Variants in BLNK observed in about 807,000 individuals in gnomAD.
The protein encoded by BLNK is B-cell linker protein.
Under a neutral mutation model 73.5 loss-of-function variants are expected in BLNK, and 29 were observed. That is an observed-to-expected ratio of 0.39 (90% CI 0.29 to 0.54). The LOEUF is 0.54. Among genes scored for constraint, BLNK ranks in the 20% least tolerant of loss-of-function variants. The pLI, the probability that BLNK is intolerant of heterozygous loss-of-function variation, is 0.61. For missense variants in BLNK, 460 were observed against 562.8 expected, an observed-to-expected ratio of 0.82 and a Z score of 1.85; for synonymous variants, 176 against 200.8, an observed-to-expected ratio of 0.88 and a Z score of 1.04.
intron 3 of BLNK, 98 bp from the exon 4 acceptor site, chr10:96,230,932 T>G: frequency 7.7e-7 from 1 of 1,293,078 alleles, no homozygotes; most frequent in Non-Finnish European, 1.1e-6. Context: ...TCCCTTCCCT[T>G]TGGGCTTTCT....
At chr10:96,234,894 G>A (rs1286054894) in intron 3 of BLNK, among the ~76,000 whole-genome samples, 2 of 152,214 alleles carry the variant, frequency 1.3e-5, no homozygotes, top group Admixed American at 1.3e-4. Flanking sequence ...GTGATTCCAT[G>A]GTCTCTGCCA....
intron 1 of BLNK, among the ~76,000 whole-genome samples, chr10:96,253,724 G>A (rs1391423861): frequency 6.6e-6 from 1 of 152,120 alleles, no homozygotes; most frequent in Non-Finnish European, 1.5e-5. Flanking sequence ...ATTTTTAAAG[G>A]ATTAGGCCAG....
At position 96,264,054 on chromosome 10, in the gene BLNK, A is replaced by G. The variant is rs182741422; in HGVS notation, c.47+7298T>C. Among the ~76,000 whole-genome samples the G allele has an allele frequency of 2.6e-5, 4 of 152,138 alleles. No homozygotes were observed. The East Asian group carries it at 7.7e-4, about 29-fold the overall frequency. Reference sequence around the variant, plus strand: ...ATTTCTGGAGCAACAGGTGAAACATACTCTAAATTCCTAATAATGTGCATG... The same window carrying G: ...ATTTCTGGAGCAACAGGTGAAACATGCTCTAAATTCCTAATAATGTGCATG... On this transcript the variant is annotated intron_variant, in intron 1 of 16. Transcript: ENST00000224337.
chr10:96,228,824 A>G (rs1842380595), intron 4 of BLNK, among the ~76,000 whole-genome samples: 1 of 152,186 alleles, frequency 6.6e-6, no homozygotes, highest in Admixed American at 6.5e-5. Context: ...CACCGCCCTC[A>G]CACTCTGCCT....
intron 4 of BLNK, among the ~76,000 whole-genome samples, chr10:96,227,910 A>T (rs1842338743): frequency 6.6e-6 from 1 of 152,012 alleles, no homozygotes; most frequent in Admixed American, 6.6e-5. Flanking sequence ...TAGAATAACC[A>T]ATGGGTTTTA....
intron 3 of BLNK, among the ~76,000 whole-genome samples, chr10:96,242,270 G>A (rs1842904939): frequency 6.6e-6 from 1 of 152,164 alleles, no homozygotes; most frequent in African/African-American, 2.4e-5. Context: ...TGTAAGACAT[G>A]CCTTTTGCCT....
rs1207236046 is a variant in BLNK, at chr10:96,207,389, C to CT, written c.775-337_775-336insA. Among the ~76,000 whole-genome samples the CT allele has an allele frequency of 1.6e-4, 24 of 151,056 alleles. No individual in the cohort carries two copies. The South Asian group carries it at 4.8e-3, about 30-fold the overall frequency. On this transcript the variant is annotated intron_variant, in intron 10 of 16. Coordinates refer to ENST00000224337, the MANE Select transcript of BLNK (RefSeq NM_013314.4). Reference sequence around the variant, plus strand: ...TCTGGCATCTGCTTTGGTCTCATGACCCCCCCCTTCTGTGTGTTTGCTAAA... The same window carrying CT: ...TCTGGCATCTGCTTTGGTCTCATGACTCCCCCCCTTCTGTGTGTTTGCTAAA...
At chr10:96,222,324 T>C (rs951556899) in intron 6 of BLNK, among the ~76,000 whole-genome samples, 7 of 152,264 alleles carry the variant, frequency 4.6e-5, no homozygotes, top group African/African-American at 1.4e-4. Flanking sequence ...GGAATGAAGG[T>C]CATTTCACAA....
At chr10:96,199,917 G>A in intron 15 of BLNK, 158 bp downstream of exon 15, 1 of 370,404 alleles carries the variant, frequency 2.7e-6, no homozygotes, top group African/African-American at 2.2e-5. Context: ...CCAGCTGCTT[G>A]GGAGGCTGAG....
At chr10:96,242,454 C>A (rs1374443805) in intron 3 of BLNK, among the ~76,000 whole-genome samples, 1 of 152,198 alleles carries the variant, frequency 6.6e-6, no homozygotes, top group Non-Finnish European at 1.5e-5. Flanking sequence ...TATAGTCTAT[C>A]TTTAACTTTT....
chr10:96,264,795 C>T (rs1313992020), intron 1 of BLNK, among the ~76,000 whole-genome samples: 3 of 152,184 alleles, frequency 2.0e-5, no homozygotes, highest in Non-Finnish European at 2.9e-5. Flanking sequence ...GCCTCTTGGA[C>T]ACTGCCACAG....
chr10:96,193,996 T>C (rs1463150165), intron 16 of BLNK, among the ~76,000 whole-genome samples: 1 of 152,212 alleles, frequency 6.6e-6, no homozygotes, highest in African/African-American at 2.4e-5. Flanking sequence ...ATTATAGTAA[T>C]ATATTACTTA....
intron 5 of BLNK, among the ~76,000 whole-genome samples, chr10:96,225,326 C>T (rs1842204940): frequency 6.6e-6 from 1 of 152,226 alleles, no homozygotes; most frequent in African/African-American, 2.4e-5. Context: ...GTGACAGCCC[C>T]ACCTCGCCCG....
At chr10:96,256,601 C>T (rs1240738839) in intron 1 of BLNK, among the ~76,000 whole-genome samples, 2 of 151,944 alleles carry the variant, frequency 1.3e-5, no homozygotes, top group African/African-American at 4.8e-5. Context: ...AGAAAAAGGG[C>T]CGGGTATGGT....
At chr10:96,202,896 T>G (rs2083682752) in intron 13 of BLNK, among the ~76,000 whole-genome samples, 1 of 152,224 alleles carries the variant, frequency 6.6e-6, no homozygotes, top group African/African-American at 2.4e-5. Flanking sequence ...AATGAGCTAT[T>G]ATGCCCATTT....
At chr10:96,217,355 G>A (rs147044611) in intron 6 of BLNK, among the ~76,000 whole-genome samples, 1 of 152,266 alleles carries the variant, frequency 6.6e-6, no homozygotes, top group African/African-American at 2.4e-5. Context: ...TCATATGGTA[G>A]CTCTAAGTTT....
rs2083907915 is a variant in BLNK, at chr10:96,209,892, G to A, written c.692C>T (p.Ala231Val). Reference sequence around the variant, plus strand: ...TGGTGGAGGTGACTTGGTTTCCCAGGCCCCACTGTTTCGACCTGCACAAAC... The same window carrying A: ...TGGTGGAGGTGACTTGGTTTCCCAGACCCCACTGTTTCGACCTGCACAAAC... ...PGTASGRNSG[A>V]WETKSPPPAA... Residue 231 changes from alanine (A) to valine (V), a missense_variant, in exon 9 of 17, where the codon GCC (alanine) becomes GTC (valine). Ala to Val is a moderately conservative substitution (Grantham distance 64, BLOSUM62 0). Coordinates refer to ENST00000224337, the MANE Select transcript of BLNK (RefSeq NM_013314.4). 1.9e-6 allele frequency: 3 copies of A among 1,614,052 alleles called. No individual in the cohort carries two copies. The highest frequency in any genetic ancestry group is 2.2e-5 in the East Asian group (1 of 44,890).
intron 1 of BLNK, among the ~76,000 whole-genome samples, chr10:96,256,433 T>C (rs1284328717): frequency 6.6e-6 from 1 of 152,216 alleles, no homozygotes; most frequent in Non-Finnish European, 1.5e-5. Context: ...CATCATTAGG[T>C]CTGCTGATTC....
At chr10:96,248,911 A>G (rs1363591161) in intron 1 of BLNK, among the ~76,000 whole-genome samples, 6 of 152,250 alleles carry the variant, frequency 3.9e-5, no homozygotes, top group African/African-American at 1.4e-4. Flanking sequence ...GCATGTGTAG[A>G]TATCATTTGT....
Sources: gnomAD v4.1 joint callset for allele counts (sites outside exome capture counted in the v4.1 genomes callset) on GRCh38, gnomAD v4.1.1 for gene constraint, MANE v1.5 for transcripts, NCBI Gene and HGNC (gene_info 2026-07-23, HGNC 2026-07-21) for gene names.